ANKRD55: variants seen among roughly 807,000 people sequenced by gnomAD.
ANKRD55 encodes the protein ankyrin repeat domain 55.
ANKRD55 carries 41 observed loss-of-function variants against 60.6 expected under a neutral mutation model. The ratio of observed to expected loss-of-function variants is 0.68; its 90% CI spans 0.53 to 0.88. ANKRD55 has a LOEUF of 0.88. Ranked by LOEUF, ANKRD55 falls within the 40% of genes least tolerant of loss-of-function variation. ANKRD55 has a pLI of 0.00. For missense variants in ANKRD55, 732 were observed against 767.6 expected (o/e 0.95, Z 0.55); for synonymous variants, 264 against 290.3 (o/e 0.91, Z 0.92).
chr5:56,116,171 T>C (rs1415833224), intron 9 of ANKRD55, among the ~76,000 whole-genome samples: 1 of 152,170 alleles, frequency 6.6e-6, no homozygotes, highest in African/African-American at 2.4e-5. Context: ...TTTTAATTTC[T>C]AATGCCATAA....
intron 4 of ANKRD55, among the ~76,000 whole-genome samples, 197 bp downstream of exon 4, chr5:56,175,955 A>G (rs1187324065): frequency 1.3e-5 from 2 of 152,216 alleles, no homozygotes; most frequent in African/African-American, 4.8e-5. Context: ...TGTTAGGAAG[A>G]TCCAAAATGG....
At position 56,186,570 on chromosome 5, in the gene ANKRD55, T is replaced by G. The variant is rs1433879376; in HGVS notation, c.59-2936A>C. On this transcript the variant is annotated intron_variant, in intron 2 of 11. Transcript: ENST00000341048. ...AATTAATATTTAATTCTGTGTGCTT[T>G]TAGAACAAGGCCTGGCATATAATAG... Among the ~76,000 whole-genome samples the G allele has an allele frequency of 2.6e-5, 4 of 152,232 alleles. No individual in the cohort carries two copies. The East Asian group carries it at 7.7e-4, about 29-fold the overall frequency.
At chr5:56,130,352 A>G (rs969220394) in intron 7 of ANKRD55, among the ~76,000 whole-genome samples, 2 of 152,232 alleles carry the variant, frequency 1.3e-5, no homozygotes, top group African/African-American at 2.4e-5. Context: ...ACATGGGAGC[A>G]GAACAATACC....
chr5:56,210,949 T>C (rs1759656126), intron 2 of ANKRD55, among the ~76,000 whole-genome samples: 2 of 152,248 alleles, frequency 1.3e-5, no homozygotes, highest in African/African-American at 2.4e-5. Context: ...TCAATCATTA[T>C]TGACACTTTA....
rs28410622 is a variant in ANKRD55, at chr5:56,135,243, C to T, written c.613-8137G>A. On this transcript the variant is annotated intron_variant, in intron 7 of 11. Transcript: ENST00000341048. Reference sequence around the variant, plus strand: ...CCTTCCTTCCTTCCTTCCTTCCTTCCTTCCTTCCTTCCTTCCTTCTTTCCC... The same window carrying T: ...CCTTCCTTCCTTCCTTCCTTCCTTCTTTCCTTCCTTCCTTCCTTCTTTCCC... Among the ~76,000 whole-genome samples, 479 of 84,402 alleles carry T rather than the reference C, an allele frequency of 5.7e-3. 13 individuals carry two copies. Among genetic ancestry groups the T allele is most frequent in the African/African-American group, 0.016 (406 of 26,122 alleles). 55.4% of individuals were successfully genotyped at this position (84,402 alleles called of 152,430 possible). A position where few individuals can be genotyped will look rare whatever the true frequency, so the allele number is the denominator to read the frequency against.
At chr5:56,186,249 C>G (rs1758970401) in intron 2 of ANKRD55, among the ~76,000 whole-genome samples, 1 of 152,174 alleles carries the variant, frequency 6.6e-6, no homozygotes, top group Non-Finnish European at 1.5e-5. Flanking sequence ...CTCACTGCAG[C>G]CTTGACCTCC....
chr5:56,166,336 C>T (rs188326228), intron 5 of ANKRD55, among the ~76,000 whole-genome samples: 1 of 151,622 alleles, frequency 6.6e-6, no homozygotes, highest in Admixed American at 6.6e-5. Flanking sequence ...TAGCTCACCG[C>T]AGCCTCGAAC....
At chr5:56,103,637 A>G (rs115702763) in intron 10 of ANKRD55, among the ~76,000 whole-genome samples, 4,932 of 152,302 alleles carry the variant, frequency 0.032, 139 homozygotes, top group Admixed American at 0.055. Context: ...AAATAATTGT[A>G]TATCTTTTCC....
chr5:56,135,355 CTT>C (rs34780433), intron 7 of ANKRD55, among the ~76,000 whole-genome samples: 1 of 52,334 alleles, frequency 1.9e-5, no homozygotes, highest in South Asian at 7.7e-4. Context: ...TTCTTTCTTT[CTT>C]TCTTTCTTTC....
chr5:56,188,817 T>G (rs1759030180), intron 2 of ANKRD55, among the ~76,000 whole-genome samples: 1 of 152,218 alleles, frequency 6.6e-6, no homozygotes. Context: ...TTTTAATCAC[T>G]GAAAAAGTTC....
At chr5:56,154,733 C>T (rs1434431615) in intron 6 of ANKRD55, among the ~76,000 whole-genome samples, 1 of 152,064 alleles carries the variant, frequency 6.6e-6, no homozygotes, top group African/African-American at 2.4e-5. Flanking sequence ...GGGCTACAGG[C>T]ATGAGCCACT....
intron 5 of ANKRD55, 135 bp from the exon 6 acceptor site, chr5:56,160,028 C>T: frequency 1.5e-6 from 1 of 682,266 alleles, no homozygotes; most frequent in Non-Finnish European, 2.5e-6. Flanking sequence ...CTTTCCGTTT[C>T]TCTGGGAAAA....
intron 7 of ANKRD55, among the ~76,000 whole-genome samples, chr5:56,135,472 C>A (rs185961484): frequency 1.4e-3 from 218 of 151,842 alleles, no homozygotes; most frequent in Middle Eastern, 3.4e-3. Context: ...CAGGTTCAAG[C>A]GATTCTCCTG....
At position 56,225,420 on chromosome 5, in the gene ANKRD55, T is replaced by G. The variant is rs368162887; in HGVS notation, c.58+7436A>C. Among the ~76,000 whole-genome samples the G allele has an allele frequency of 9.5e-4, 144 of 152,192 alleles. 3 individuals carry two copies. In the Middle Eastern group the frequency reaches 0.027, roughly 29 times the overall value. On this transcript the variant is annotated intron_variant, in intron 2 of 11. Coordinates refer to ENST00000341048, the MANE Select transcript of ANKRD55 (RefSeq NM_024669.3). The stretch of plus-strand genomic sequence containing the variant: ...CTGGAAGCATTCCCTTTGAAAACTG[T>G]TACAAGACAGGGATGCCCTCTCTCA...
chr5:56,137,616 C>T (rs1383021766), intron 7 of ANKRD55: 1 of 598,448 alleles, frequency 1.7e-6, no homozygotes, highest in Non-Finnish European at 3.0e-6. Context: ...TTGAGATGAC[C>T]TTGGGTTTGG....
intron 2 of ANKRD55, among the ~76,000 whole-genome samples, chr5:56,217,723 T>C (rs962872777): frequency 6.6e-6 from 1 of 151,968 alleles, no homozygotes; most frequent in Non-Finnish European, 1.5e-5. Context: ...TGAAACCCCA[T>C]CTCTACTAAA....
intron 2 of ANKRD55, among the ~76,000 whole-genome samples, chr5:56,208,692 G>A (rs1759579820): frequency 6.6e-6 from 1 of 152,026 alleles, no homozygotes; most frequent in Non-Finnish European, 1.5e-5. Flanking sequence ...CCAAAGTGCT[G>A]GATTACAGGC....
chr5:56,125,846 T>C (rs1176196841), intron 8 of ANKRD55: 2 of 152,188 alleles, frequency 1.3e-5, no homozygotes, highest in African/African-American at 4.8e-5. Context: ...AAAATTATGA[T>C]AAGTAGGCTG....
chr5:56,223,488 A>G (rs1019249660), intron 2 of ANKRD55, among the ~76,000 whole-genome samples: 2 of 152,232 alleles, frequency 1.3e-5, no homozygotes, highest in Non-Finnish European at 2.9e-5. Flanking sequence ...GACAGGATCA[A>G]ATTCACACAT....
Sources: gnomAD v4.1 joint callset for allele counts (sites outside exome capture counted in the v4.1 genomes callset) on GRCh38, gnomAD v4.1.1 for gene constraint, MANE v1.5 for transcripts, NCBI Gene and HGNC (gene_info 2026-07-23, HGNC 2026-07-21) for gene names.